MIDEAS: variants seen among roughly 807,000 people sequenced by gnomAD.
MIDEAS encodes mitotic deacetylase-associated SANT domain protein.
In MIDEAS, 26 loss-of-function variants were observed where a neutral mutation model predicts 102.7. That is an observed-to-expected ratio of 0.25 (90% confidence interval 0.19 to 0.35). The LOEUF (loss-of-function observed/expected upper bound fraction) is 0.35, where lower values mean the gene tolerates loss of function less well. Ranked by LOEUF, MIDEAS falls within the 10% of genes least tolerant of loss-of-function variation. The pLI, the probability that MIDEAS is intolerant of heterozygous loss-of-function variation, is 1.00. For missense variants in MIDEAS, 1,231 were observed against 1,435.6 expected, an observed-to-expected ratio of 0.86 and a Z score of 2.30; for synonymous variants, 585 against 591.0, an observed-to-expected ratio of 0.99 and a Z score of 0.15.
chr14:73,756,293 T>TGGGCGC (rs1245182607), intron 1 of MIDEAS, among the ~76,000 whole-genome samples: 1 of 75,160 alleles, frequency 1.3e-5, no homozygotes, highest in South Asian at 6.9e-4. Context: ...TGTGTGTGTG[T>TGGGCGC]GTGCGCGCGC....
chr14:73,773,832 G>A (rs2053664330), intron 1 of MIDEAS, among the ~76,000 whole-genome samples: 1 of 151,656 alleles, frequency 6.6e-6, no homozygotes, highest in African/African-American at 2.4e-5. Context: ...AGACCAGCCT[G>A]GCCAATATGG....
intron 1 of MIDEAS, among the ~76,000 whole-genome samples, chr14:73,758,507 C>T (rs2053513540): frequency 6.6e-6 from 1 of 152,232 alleles, no homozygotes; most frequent in South Asian, 2.1e-4. Flanking sequence ...GCAAGCCAGA[C>T]ATCCCCTCCC....
intron 1 of MIDEAS, among the ~76,000 whole-genome samples, chr14:73,751,300 G>A (rs572832142): frequency 3.9e-4 from 59 of 152,354 alleles, no homozygotes; most frequent in East Asian, 3.9e-4. Flanking sequence ...TCCCCCAAGA[G>A]TTTCAGACTT....
upstream of MIDEAS, among the ~76,000 whole-genome samples, chr14:73,761,484 G>C (rs2053554092): frequency 6.6e-6 from 1 of 152,124 alleles, no homozygotes; most frequent in Non-Finnish European, 1.5e-5. Flanking sequence ...TCCCCAAGAG[G>C]AGAAGGGCTT....
intron 1 of MIDEAS, among the ~76,000 whole-genome samples, chr14:73,755,246 G>A (rs539861122): frequency 2.6e-5 from 4 of 152,210 alleles, no homozygotes; most frequent in African/African-American, 4.8e-5. Context: ...CCCAAGCCCC[G>A]GCTCTTCCCC....
Position 73,725,916 on chromosome 14 carries a change from A to T in MIDEAS, c.2485+117T>A. 1.1e-6 allele frequency: 1 copy of T among 889,956 alleles called. No individual in the cohort carries two copies. The highest frequency in any genetic ancestry group is 2.7e-5 in the East Asian group (1 of 37,578). The allele number at this position is 889,956 out of a possible 1,614,324, so 55.1% of individuals were successfully genotyped here. On this transcript the variant is annotated intron_variant, in intron 8 of 12. Coordinates refer to ENST00000423556, the MANE Select transcript of MIDEAS (RefSeq NM_001367710.1). The surrounding 1 kb of genome is among the most constrained non-coding windows in gnomAD (Gnocchi z 4.1). The stretch of plus-strand genomic sequence containing the variant: ...GTTCCCTCACTCTGACTCTTGGCTT[A>T]TCTACCCTCCTCCTCCCGCCCCCAC...
At chr14:73,727,606 C>T in intron 4 of MIDEAS, 82 bp from the exon 5 acceptor site, 1 of 1,324,812 alleles carries the variant, frequency 7.5e-7, no homozygotes, top group East Asian at 2.6e-5. Flanking sequence ...CCTGTATGTG[C>T]AAGAGTCACA....
intron 1 of MIDEAS, among the ~76,000 whole-genome samples, chr14:73,786,413 A>ACT (rs1235599518): frequency 7.9e-5 from 12 of 152,208 alleles, no homozygotes; most frequent in Non-Finnish European, 1.6e-4. Context: ...TATAGAAAAC[A>ACT]CTCACATATG....
chr14:73,748,715 G>C (rs1452139633), intron 1 of MIDEAS, among the ~76,000 whole-genome samples: 2 of 150,154 alleles, frequency 1.3e-5, no homozygotes, highest in Non-Finnish European at 2.9e-5. Flanking sequence ...GCTGCAGTGA[G>C]CCAAGATCGC....
Position 73,752,494 on chromosome 14 carries a change from C to G in MIDEAS, c.-248+7269G>C, listed in dbSNP as rs190494378. On this transcript the variant is annotated intron_variant, in intron 1 of 12. Coordinates refer to ENST00000423556, the MANE Select transcript of MIDEAS (RefSeq NM_001367710.1). ...CCTGGTGCTTGGGGGTTGGATGGGT[C>G]GGTGTCTGGCAGTGTAGTGTGAGAG... 7.2e-5 allele frequency among the ~76,000 whole-genome samples: 11 copies of G among 152,220 alleles called. No homozygotes were observed. The South Asian group carries it at 2.3e-3, about 32-fold the overall frequency.
At position 73,739,188 on chromosome 14, in the gene MIDEAS, A is replaced by G; in HGVS notation, c.821T>C (p.Phe274Ser). Reference sequence around the variant, plus strand: ...CGAGGGTTGCTGCGGCATGGAATAGAAGTTCTCAAAGAGCGGCATCTGGGG... The same window carrying G: ...CGAGGGTTGCTGCGGCATGGAATAGGAGTTCTCAAAGAGCGGCATCTGGGG... Reference protein sequence around the residue: ...ALPQMPLFENFYSMPQQPSQQ... With the variant: ...ALPQMPLFENSYSMPQQPSQQ... The change falls in exon 2 of 13, where the codon TTC (phenylalanine) becomes TCC (serine). Residue 274 changes from phenylalanine to serine, a missense_variant. Physicochemically the swap from Phe to Ser is radical, Grantham distance 155. Around this residue, in one of 5 missense-constraint regions of MIDEAS, gnomAD observed 758 missense variants for 856.0 expected, o/e 0.89. Coordinates refer to ENST00000423556, the MANE Select transcript of MIDEAS (RefSeq NM_001367710.1). The G allele has an allele frequency of 6.2e-7, 1 of 1,613,782 alleles. No homozygotes were observed. Among genetic ancestry groups the G allele is most frequent in the Non-Finnish European group, 8.5e-7 (1 of 1,179,928 alleles).
chr14:73,782,148 G>T (rs558740864), intron 1 of MIDEAS, among the ~76,000 whole-genome samples: 5 of 152,114 alleles, frequency 3.3e-5, no homozygotes, highest in African/African-American at 1.2e-4. Flanking sequence ...AAAAAAGAAA[G>T]AATCTGGCTT....
At chr14:73,778,334 G>A (rs918147719) in intron 1 of MIDEAS, among the ~76,000 whole-genome samples, 1 of 151,284 alleles carries the variant, frequency 6.6e-6, no homozygotes, top group Non-Finnish European at 1.5e-5. Flanking sequence ...CTGCACTCCA[G>A]CCTGGGCGAC....
intron 3 of MIDEAS, among the ~76,000 whole-genome samples, chr14:73,731,104 A>G (rs373449155): frequency 1.3e-5 from 2 of 152,248 alleles, no homozygotes; most frequent in Admixed American, 6.5e-5. Context: ...CCTGCTAGGT[A>G]CGCCTCATGG....
At chr14:73,733,193 C>T (rs1465181228) in intron 3 of MIDEAS, among the ~76,000 whole-genome samples, 1 of 152,102 alleles carries the variant, frequency 6.6e-6, no homozygotes, top group Non-Finnish European at 1.5e-5. Flanking sequence ...CCAAAAAGGG[C>T]TGATACTCAC....
At chr14:73,760,644 G>A (rs957356076), upstream of MIDEAS, among the ~76,000 whole-genome samples, 2 of 152,236 alleles carry the variant, frequency 1.3e-5, no homozygotes, top group African/African-American at 4.8e-5. This position sits in a 1 kb window ranked among gnomAD's most constrained non-coding sequence, Gnocchi z 4.8. Context: ...ACTCTCTCTG[G>A]TTTTGGATAC....
In MIDEAS at chr14:73,738,939, G is replaced by T; in HGVS notation, c.1070C>A (p.Pro357His). ...GGTGCCAGCCCCATCCAGGGCGCTG[G>T]GAGGCAGGATACCCTCCTTAGAGAG... Reference protein sequence around the residue: ...RRLSKEGILPPSALDGAGTQP... With the variant: ...RRLSKEGILPHSALDGAGTQP... Residue 357 changes from proline to histidine, a missense_variant, in exon 2 of 13, where the codon CCC (proline) becomes CAC (histidine). Physicochemically the swap from Pro to His is moderately conservative, Grantham distance 77. This residue lies in a region of MIDEAS where 758 missense variants were observed against 856.0 expected (regional missense o/e 0.89). Transcript: ENST00000423556. 6.5e-7 allele frequency: 1 copy of T among 1,527,804 alleles called. No individual in the cohort carries two copies. Among genetic ancestry groups the T allele is most frequent in the South Asian group, 1.3e-5 (1 of 76,416 alleles). The allele number at this position is 1,527,804 out of a possible 1,614,324, so 94.6% of individuals were successfully genotyped here.
At chr14:73,783,435 T>C (rs373589633) in intron 1 of MIDEAS, among the ~76,000 whole-genome samples, 8 of 152,174 alleles carry the variant, frequency 5.3e-5, no homozygotes, top group African/African-American at 1.7e-4. Context: ...GGTCACCGGG[T>C]CAGAGCCGAG....
At chr14:73,724,198 C>T (rs368555052) in intron 9 of MIDEAS, 2 of 152,180 alleles carry the variant, frequency 1.3e-5, no homozygotes, top group South Asian at 4.1e-4. Flanking sequence ...GGCAACTTTC[C>T]CACACCCAGA....
Sources: allele counts gnomAD v4.1 joint callset (sites outside exome capture counted in the v4.1 genomes callset), GRCh38; gene constraint gnomAD v4.1.1; regional missense constraint gnomAD v4.1.1; non-coding constraint Gnocchi (gnomAD v3.1); transcripts MANE v1.5; gene names NCBI Gene and HGNC (gene_info 2026-07-23, HGNC 2026-07-21).